Variants in DAB1 observed in about 807,000 individuals in gnomAD.
DAB1 encodes DAB adaptor protein 1, also known as disabled homolog 1.
Under a neutral mutation model 64.6 loss-of-function variants are expected in DAB1, and 15 were observed. That is an observed-to-expected ratio of 0.23 (90% CI 0.16 to 0.36). The LOEUF (loss-of-function observed/expected upper bound fraction) is 0.36, where lower values mean the gene tolerates loss of function less well. Ranked by LOEUF, DAB1 falls within the 10% of genes least tolerant of loss-of-function variation. The pLI is 1.00. For synonymous variants in DAB1, 235 were observed against 251.9 expected (o/e 0.93, Z 0.64); for missense variants, 596 against 706.7 (o/e 0.84, Z 1.78).
intron 6 of DAB1, among the ~76,000 whole-genome samples, chr1:57,770,397 A>G (rs1406589365): frequency 6.6e-6 from 1 of 151,956 alleles, no homozygotes. Flanking sequence ...CTTCCTGAAT[A>G]GCTGGGACCA....
intron 9 of DAB1, among the ~76,000 whole-genome samples, chr1:57,028,725 G>A (rs1483599728): frequency 2.6e-5 from 4 of 152,188 alleles, no homozygotes; most frequent in South Asian, 2.1e-4. Context: ...TTAGCAAAGA[G>A]ACCAGTGACA....
chr1:57,053,626 T>A (rs1052006839), intron 9 of DAB1, among the ~76,000 whole-genome samples: 24 of 142,068 alleles, frequency 1.7e-4, no homozygotes, highest in Non-Finnish European at 3.2e-4. Flanking sequence ...TTTACTACTA[T>A]GCCAACCATC....
intron 5 of DAB1, among the ~76,000 whole-genome samples, chr1:57,939,194 GAGAA>G (rs1645068214): frequency 6.6e-6 from 1 of 152,094 alleles, no homozygotes. Flanking sequence ...CAGAGAGACA[GAGAA>G]AGAAAGAGAG....
chr1:57,543,275 T>C (rs1034308554), intron 7 of DAB1, among the ~76,000 whole-genome samples: 5 of 152,164 alleles, frequency 3.3e-5, no homozygotes, highest in Non-Finnish European at 5.9e-5. Flanking sequence ...CCACATAGCT[T>C]AGTAAATGTC....
chr1:57,024,818 A>G (rs1488676196), intron 10 of DAB1, among the ~76,000 whole-genome samples: 1 of 152,164 alleles, frequency 6.6e-6, no homozygotes, highest in Non-Finnish European at 1.5e-5. Context: ...AGTTCCCAGG[A>G]AGAAGCTTTT....
At chr1:58,154,358 C>T (rs1375246889) in intron 4 of DAB1, among the ~76,000 whole-genome samples, 1 of 152,170 alleles carries the variant, frequency 6.6e-6, no homozygotes, top group Non-Finnish European at 1.5e-5. Context: ...CCGACCCTCA[C>T]TGAGACTACA....
chr1:58,416,675 T>A (rs1377004414), intron 3 of DAB1, among the ~76,000 whole-genome samples: 2 of 152,222 alleles, frequency 1.3e-5, no homozygotes, highest in Non-Finnish European at 2.9e-5. Context: ...AATCTACTTT[T>A]TTTTCTGTCT....
At chr1:57,553,472 G>T (rs1300521933) in intron 7 of DAB1, among the ~76,000 whole-genome samples, 11 of 94,240 alleles carry the variant, frequency 1.2e-4, no homozygotes, top group Non-Finnish European at 2.5e-4. Context: ...GAAAGGGAAA[G>T]AAAGGAAGGA....
intron 5 of DAB1, among the ~76,000 whole-genome samples, chr1:58,089,572 T>C (rs560369952): frequency 6.6e-6 from 1 of 152,346 alleles, no homozygotes; most frequent in African/African-American, 2.4e-5. Context: ...TAAAATGGTC[T>C]GAATTCTTTA....
At chr1:57,044,969 C>T (rs1475296989) in intron 9 of DAB1, among the ~76,000 whole-genome samples, 2 of 152,158 alleles carry the variant, frequency 1.3e-5, no homozygotes, top group African/African-American at 2.4e-5. Flanking sequence ...TCGCAACAAA[C>T]GTGAGGTGCT....
chr1:58,496,586 A>T (rs535897648), intron 3 of DAB1, among the ~76,000 whole-genome samples: 1 of 152,234 alleles, frequency 6.6e-6, no homozygotes, highest in South Asian at 2.1e-4. Context: ...GCTATTGCTG[A>T]ATTTTGTTTA....
intron 4 of DAB1, among the ~76,000 whole-genome samples, chr1:58,257,902 GC>G (rs2100413821): frequency 6.6e-6 from 1 of 152,306 alleles, no homozygotes; most frequent in South Asian, 2.1e-4. Flanking sequence ...CAGGACCTGG[GC>G]CCCTTACACT....
At chr1:57,427,314 T>TA (rs1226259760), upstream of DAB1, among the ~76,000 whole-genome samples, 1 of 152,200 alleles carries the variant, frequency 6.6e-6, no homozygotes, top group Non-Finnish European at 1.5e-5. Flanking sequence ...GCATTGGGAA[T>TA]AATGGTGATA....
rs139487655 is a variant in DAB1, at chr1:58,041,718, C to G, written n.387+108793G>C. 4.6e-4 allele frequency among the ~76,000 whole-genome samples: 70 copies of G among 152,308 alleles called. 2 individuals are homozygous for G. The highest frequency in any genetic ancestry group is 1.5e-3 in the African/African-American group (63 of 41,576). Reference sequence around the variant, plus strand: ...TGACAATGCCTTGGGCTTGGCAGCTCAAATTCCTCTAGCAAGCTAGAATTG... The same window carrying G: ...TGACAATGCCTTGGGCTTGGCAGCTGAAATTCCTCTAGCAAGCTAGAATTG... On this transcript the variant is annotated intron_variant and non_coding_transcript_variant, in intron 5 of 20. Transcript: ENST00000485760.
chr1:57,976,687 A>G (rs1324928986), intron 5 of DAB1, among the ~76,000 whole-genome samples: 1 of 152,188 alleles, frequency 6.6e-6, no homozygotes, highest in African/African-American at 2.4e-5. Context: ...CGAAAAAGAA[A>G]GCAACTGCAT....
chr1:57,186,504 T>C lies in DAB1; in HGVS notation c.68-41075A>G, dbSNP rs181517323. On this transcript the variant is annotated intron_variant, in intron 2 of 14. Transcript: ENST00000371236. ...CAGGTTTTACAGGTTCCATTTTCCA[T>C]TGAAACAATGGAATGTTACATGGCT... Among the ~76,000 whole-genome samples the C allele has an allele frequency of 3.3e-5, 5 of 152,354 alleles. No homozygotes were observed. In the East Asian group the frequency reaches 5.8e-4, roughly 18 times the overall value.
intron 3 of DAB1, among the ~76,000 whole-genome samples, chr1:58,434,362 G>T (rs571453653): frequency 3.6e-4 from 55 of 150,906 alleles, no homozygotes; most frequent in African/African-American, 1.3e-3. Context: ...GATATAAACA[G>T]TAGAGCCAAC....
chr1:57,044,654 C>T lies in DAB1; in HGVS notation c.723+18230G>A, dbSNP rs181060616. Among the ~76,000 whole-genome samples, 14 of 152,294 alleles carry T rather than the reference C, an allele frequency of 9.2e-5. No individual in the cohort carries two copies. The South Asian group carries it at 1.2e-3, about 14-fold the overall frequency. On this transcript the variant is annotated intron_variant, in intron 9 of 14. Transcript: ENST00000371236. ...AAAGCAGAAAGTGTCTTTACTCACACGTTTGCTATATCTGTTCTATGAAAA... is the reference window on the plus strand; with the variant it reads ...AAAGCAGAAAGTGTCTTTACTCACATGTTTGCTATATCTGTTCTATGAAAA...
chr1:58,529,100 C>A (rs1000282826), intron 1 of DAB1, among the ~76,000 whole-genome samples: 5 of 152,140 alleles, frequency 3.3e-5, no homozygotes, highest in African/African-American at 1.2e-4. Flanking sequence ...TGAGATCCTA[C>A]AACCTAAGGA....
Sources: gnomAD v4.1 joint callset for allele counts (sites outside exome capture counted in the v4.1 genomes callset) on GRCh38, gnomAD v4.1.1 for gene constraint, MANE v1.5 for transcripts, NCBI Gene and HGNC (gene_info 2026-07-23, HGNC 2026-07-21) for gene names.